Variants in S100A6 observed in about 807,000 individuals in gnomAD.
S100A6 encodes the protein protein S100-A6.
S100A6 carries 3 observed loss-of-function variants against 3.5 expected under a neutral mutation model. The observed-to-expected ratio is 0.87, with a 90% CI of 0.39 to 2.24. The LOEUF (loss-of-function observed/expected upper bound fraction) is 2.24. Ranked by LOEUF, S100A6 falls within the 30% of genes most tolerant of loss-of-function variation. S100A6 has a pLI of 0.05. For missense variants in S100A6, 114 were observed against 105.3 expected, an observed-to-expected ratio of 1.08 and a Z score of -0.36; for synonymous variants, 48 against 45.2, an observed-to-expected ratio of 1.06 and a Z score of -0.25.
Position 153,534,796 on chromosome 1 carries a change from T to C in S100A6, c.173A>G (p.Glu58Gly). 1 of 1,613,820 alleles carries C rather than the reference T, an allele frequency of 6.2e-7. No individual in the cohort carries two copies. Reference protein sequence around the residue: ...LQDAEIARLMEDLDRNKDQEV... With the variant: ...LQDAEIARLMGDLDRNKDQEV... ...CTGGTCCTTGTTCCGGTCCAAGTCT[T>C]CCATCAGCCTTGCAATTTCAGCATC... Residue 58 changes from glutamate (E) to glycine (G), a missense_variant, in exon 3 of 3, where the codon GAA becomes GGA. Glu to Gly is a moderately conservative substitution (Grantham distance 98). Transcript: ENST00000368719.
chr1:153,535,155 C>A, intron 2 of S100A6, 47 bp downstream of exon 2: 1 of 1,610,520 alleles, frequency 6.2e-7, no homozygotes, highest in Non-Finnish European at 8.5e-7. Context: ...ATCCTGCTTC[C>A]AAAGGACAAG....
chr1:153,535,155 C>T (rs749383057), intron 2 of S100A6, 47 bp downstream of exon 2: 1 of 1,610,520 alleles, frequency 6.2e-7, no homozygotes, highest in East Asian at 2.2e-5. Flanking sequence ...ATCCTGCTTC[C>T]AAAGGACAAG....
Position 153,534,791 on chromosome 1 carries a change from A to C in S100A6, c.178T>G (p.Leu60Val), listed in dbSNP as rs1571228922. The C allele has an allele frequency of 1.9e-6, 3 of 1,613,802 alleles. No homozygotes were observed. Among genetic ancestry groups the C allele is most frequent in the Non-Finnish European group, 2.5e-6 (3 of 1,179,968 alleles). The stretch of plus-strand genomic sequence containing the variant: ...ACCTCCTGGTCCTTGTTCCGGTCCA[A>C]GTCTTCCATCAGCCTTGCAATTTCA... ...DAEIARLMED[L>V]DRNKDQEVNF... is the part of the protein sequence containing the mutation. The change falls in exon 3 of 3, where the codon TTG becomes GTG. Residue 60 changes from leucine (L) to valine (V), a missense_variant. Leu to Val is a conservative substitution (Grantham distance 32). Transcript: ENST00000368719.
Position 153,534,710 on chromosome 1 carries a change from C to T in S100A6, c.259G>A (p.Ala87Thr). 1 of 1,611,674 alleles carries T rather than the reference C, an allele frequency of 6.2e-7. No homozygotes were observed. The change falls in exon 3 of 3, where the codon GCC becomes ACC. Residue 87 changes from alanine (A) to threonine (T), a missense_variant. Coordinates refer to ENST00000368719, the MANE Select transcript of S100A6 (RefSeq NM_014624.4). ...LGALALIYNEALKG is the reference protein window; with the variant it reads ...LGALALIYNETLKG Reference sequence around the variant, plus strand: ...CCTATTTATTTTCAGCCCTTGAGGGCTTCATTGTAGATCAAAGCCAAGGCC... The same window carrying T: ...CCTATTTATTTTCAGCCCTTGAGGGTTTCATTGTAGATCAAAGCCAAGGCC...
chr1:153,535,084 C>A, intron 2 of S100A6, 118 bp downstream of exon 2: 1 of 1,425,448 alleles, frequency 7.0e-7, no homozygotes, highest in Non-Finnish European at 9.6e-7. Context: ...TACATGTGGA[C>A]CAGGGCCTCA....
Position 153,534,841 on chromosome 1 carries a change from A to G in S100A6, c.139-11T>C, listed in dbSNP as rs763499948. On this transcript the variant is annotated splice_polypyrimidine_tract_variant and intron_variant, in intron 2 of 2. Transcript: ENST00000368719. ...AGCATCCTGCAGCTTCTAATGTGTT[A>G]GAATGTGAAATCCATACTCAGTGGT... 3 of 1,608,028 alleles carry G rather than the reference A, an allele frequency of 1.9e-6. No homozygotes were observed. Among genetic ancestry groups the G allele is most frequent in the Non-Finnish European group, 2.5e-6 (3 of 1,178,136 alleles).
rs912137963 is a variant in S100A6, at chr1:153,534,740, G to C, written c.229C>G (p.Leu77Val). The C allele has an allele frequency of 6.2e-7, 1 of 1,613,812 alleles. No individual in the cohort carries two copies. The highest frequency in any genetic ancestry group is 8.5e-7 in the Non-Finnish European group (1 of 1,179,868). Residue 77 changes from leucine (L) to valine (V), a missense_variant, in exon 3 of 3, where the codon CTG becomes GTG. Transcript: ENST00000368719. ...TTGTAGATCAAAGCCAAGGCCCCCAGGAAGGTGACATACTCCTGGAAGTTC... is the reference window on the plus strand; with the variant it reads ...TTGTAGATCAAAGCCAAGGCCCCCACGAAGGTGACATACTCCTGGAAGTTC... ...EVNFQEYVTF[L>V]GALALIYNEA... is the part of the protein sequence containing the mutation.
rs773975524 is a variant in S100A6 at position 153,535,335 on chromosome 1, G to A, written c.5C>T (p.Ala2Val). 9.3e-6 allele frequency: 15 copies of A among 1,613,956 alleles called. No individual in the cohort carries two copies. Among genetic ancestry groups the A allele is most frequent in the Middle Eastern group, 1.6e-4 (1 of 6,078 alleles). The change falls in exon 2 of 3, where the codon GCA (alanine) becomes GTA (valine). Residue 2 changes from alanine (A) to valine (V), a missense_variant. Physicochemically the swap from Ala to Val is moderately conservative, Grantham distance 64. Transcript: ENST00000368719. ...GCCAATGGCCTGATCCAGGGGGCAT[G>A]CCATGGCTGAGGGCTGGGCTTGGAG... MACPLDQAIGLL... is the reference protein window; with the variant it reads MVCPLDQAIGLL...
intron 2 of S100A6, 105 bp from the exon 3 acceptor site, chr1:153,534,935 C>G: frequency 3.5e-6 from 5 of 1,419,954 alleles, no homozygotes; most frequent in Non-Finnish European, 4.8e-6. Context: ...TCTGTGCTCC[C>G]TCATCACCAA....
At chr1:153,534,985 T>G in intron 2 of S100A6, 155 bp from the exon 3 acceptor site, 1 of 1,130,804 alleles carries the variant, frequency 8.8e-7, no homozygotes, top group Non-Finnish European at 1.3e-6. Context: ...CTCAGCTACT[T>G]CTCAGTTACT....
intron 2 of S100A6, 133 bp downstream of exon 2, chr1:153,535,069 G>T: frequency 1.5e-6 from 2 of 1,300,100 alleles, no homozygotes; most frequent in Non-Finnish European, 1.1e-6. Context: ...CTACAGCTCA[G>T]GGTCTACATG....
chr1:153,535,203 G>C lies in S100A6; in HGVS notation c.137C>G (p.Ser46Trp). Residue 46 changes from serine to tryptophan, a missense_variant and splice_region_variant, in exon 2 of 3, where the codon TCG becomes TGG. Coordinates refer to ENST00000368719, the MANE Select transcript of S100A6 (RefSeq NM_014624.4). ...ELIQKELTIG[S>W]KLQDAEIARL... ...GGTCCTGGGGAGGAGGCCACTCACC[G>C]AGCCAATGGTGAGCTCCTTCTGGAT... The C allele has an allele frequency of 6.2e-7, 1 of 1,614,108 alleles. No individual in the cohort carries two copies.
At chr1:153,535,723 C>T (rs1222329028) in intron 1 of S100A6, 3 of 186,056 alleles carry the variant, frequency 1.6e-5, no homozygotes, top group Admixed American at 5.6e-5. Flanking sequence ...AATGACACAC[C>T]CAGGGCACTC....
intron 2 of S100A6, 178 bp from the exon 3 acceptor site, chr1:153,535,008 G>A: frequency 3.7e-6 from 4 of 1,095,562 alleles, no homozygotes; most frequent in Non-Finnish European, 5.2e-6. Flanking sequence ...TCCTCATTTG[G>A]AGAGATGGAT....
rs141548428 is a variant in S100A6 at position 153,535,484 on chromosome 1, G to C, written c.-21-124C>G. ...ACCCAGTCTCAGGCCACACACAATG[G>C]CATCAGGAGACAGCCCAGGGCTTGA... On this transcript the variant is annotated intron_variant, in intron 1 of 2. Coordinates refer to ENST00000368719, the MANE Select transcript of S100A6 (RefSeq NM_014624.4). 6.1e-3 allele frequency: 6,285 copies of C among 1,033,222 alleles called. 34 individuals carry two copies. Among genetic ancestry groups the C allele is most frequent in the Non-Finnish European group, 7.0e-3 (5,073 of 726,424 alleles). The allele number at this position is 1,033,222 out of a possible 1,614,324, so 64.0% of individuals were successfully genotyped here.
At chr1:153,535,114 T>C in intron 2 of S100A6, 88 bp downstream of exon 2, 1 of 1,554,596 alleles carries the variant, frequency 6.4e-7, no homozygotes, top group South Asian at 1.2e-5. Flanking sequence ...TAAATGTGAG[T>C]CAGATGCACC....
At position 153,535,287 on chromosome 1, in the gene S100A6, T is replaced by C; in HGVS notation, c.53A>G (p.Lys18Arg). Residue 18 changes from lysine (K) to arginine (R), a missense_variant, in exon 2 of 3, where the codon AAG becomes AGG. Lys to Arg is a conservative substitution (Grantham distance 26). Transcript: ENST00000368719. The stretch of plus-strand genomic sequence containing the variant: ...CTTGTCACCCTCCCTGCCGGAGTAC[T>C]TGTGGAAGATGGCCACGAGGAGGCC... ...AIGLLVAIFH[K>R]YSGREGDKHT... 1 of 1,614,176 alleles carries C rather than the reference T, an allele frequency of 6.2e-7. No homozygotes were observed. The highest frequency in any genetic ancestry group is 8.5e-7 in the Non-Finnish European group (1 of 1,180,028).
At position 153,535,243 on chromosome 1, in the gene S100A6, C is replaced by A; in HGVS notation, c.97G>T (p.Glu33Ter). The change falls in exon 2 of 3, where the codon GAG (glutamate) becomes TAG (stop). Residue 33 changes from glutamate to a stop codon, truncating the protein, a stop_gained. Coordinates refer to ENST00000368719, the MANE Select transcript of S100A6 (RefSeq NM_014624.4). LOFTEE classifies it low-confidence loss of function (END_TRUNC). ...TCCTTCTGGATCAGCTCCTTCAGCT[C>A]CTTCTTGCTCAGGGTGTGCTTGTCA... ...EGDKHTLSKK[E>*]LKELIQKELT... 1 of 1,614,144 alleles carries A rather than the reference C, an allele frequency of 6.2e-7. No homozygotes were observed. The highest frequency in any genetic ancestry group is 1.1e-5 in the South Asian group (1 of 91,080).
Position 153,534,679 on chromosome 1 carries a change from A to G in S100A6, c.*17T>C. 6.3e-7 allele frequency: 1 copy of G among 1,588,288 alleles called. No homozygotes were observed. Among genetic ancestry groups the G allele is most frequent in the Non-Finnish European group, 8.6e-7 (1 of 1,167,902 alleles). On this transcript the variant is annotated 3_prime_UTR_variant, in exon 3 of 3. Transcript: ENST00000368719. ...GAGAGGACCCCCAGAGGGTGTCTCC[A>G]TCTTCCCTATTTATTTTCAGCCCTT...
Sources: gnomAD v4.1 joint callset for allele counts on GRCh38, gnomAD v4.1.1 for gene constraint, MANE v1.5 for transcripts, NCBI Gene and HGNC (gene_info 2026-07-23, HGNC 2026-07-21) for gene names.